Variants in NSMCE2 observed in about 807,000 individuals in gnomAD.
The protein encoded by NSMCE2 is E3 SUMO-protein ligase NSE2.
In NSMCE2, 24 loss-of-function variants were observed where a neutral mutation model predicts 23.8. The ratio of observed to expected loss-of-function variants is 1.01; its 90% CI spans 0.73 to 1.42. The LOEUF is 1.42. NSMCE2 is among the 40% of genes most tolerant of loss of function. The pLI is 0.00. For missense variants in NSMCE2, 284 were observed against 296.5 expected, an observed-to-expected ratio of 0.96 and a Z score of 0.31; for synonymous variants, 92 against 94.1, an observed-to-expected ratio of 0.98 and a Z score of 0.13.
At chr8:125,338,284 GAAA>G (rs11411074) in intron 5 of NSMCE2, among the ~76,000 whole-genome samples, 1 of 144,524 alleles carries the variant, frequency 6.9e-6, no homozygotes, top group Non-Finnish European at 1.5e-5. Flanking sequence ...ATGTTGGGTG[GAAA>G]AAAAAAAAAA....
intron 5 of NSMCE2, among the ~76,000 whole-genome samples, chr8:125,257,522 CTTTTTTTTTTTTTT>C (rs1174718163): frequency 5.9e-5 from 5 of 84,618 alleles, no homozygotes; most frequent in Admixed American, 2.9e-4. Flanking sequence ...CCAAATTTCT[CTTTTTTTTTTTTTT>C]TTTTTTTTTT....
At chr8:125,252,965 G>T (rs189642525) in intron 5 of NSMCE2, among the ~76,000 whole-genome samples, 1 of 152,300 alleles carries the variant, frequency 6.6e-6, no homozygotes, top group Non-Finnish European at 1.5e-5. Context: ...ATAGAACACA[G>T]ATTAAAAGTC....
chr8:125,317,533 C>A (rs1247745591), intron 5 of NSMCE2, among the ~76,000 whole-genome samples: 2 of 152,100 alleles, frequency 1.3e-5, no homozygotes, highest in African/African-American at 4.8e-5. Flanking sequence ...CTCCCTCCTC[C>A]ATGCTTTGAA....
intron 3 of NSMCE2, among the ~76,000 whole-genome samples, chr8:125,121,517 C>G (rs1375296658): frequency 6.6e-6 from 1 of 152,106 alleles, no homozygotes; most frequent in Non-Finnish European, 1.5e-5. Flanking sequence ...GGTATCCATG[C>G]AAAGATCAGG....
At chr8:125,146,312 G>A (rs1820672435) in intron 3 of NSMCE2, among the ~76,000 whole-genome samples, 1 of 152,196 alleles carries the variant, frequency 6.6e-6, no homozygotes, top group Non-Finnish European at 1.5e-5. Flanking sequence ...CAGAGTGGGA[G>A]GCCTGGCGCT....
intron 5 of NSMCE2, among the ~76,000 whole-genome samples, chr8:125,263,552 C>A (rs1826788233): frequency 1.3e-5 from 2 of 152,072 alleles, no homozygotes; most frequent in Non-Finnish European, 2.9e-5. Context: ...GAGTTTGAGA[C>A]CAGCGTTGCC....
intron 5 of NSMCE2, among the ~76,000 whole-genome samples, chr8:125,254,853 A>G (rs1194671219): frequency 6.6e-6 from 1 of 152,118 alleles, no homozygotes; most frequent in African/African-American, 2.4e-5. Context: ...TGAGTCCTGA[A>G]AGAGCTCATG....
At chr8:125,256,281 C>CAAA (rs113772162) in intron 5 of NSMCE2, among the ~76,000 whole-genome samples, 7 of 76,240 alleles carry the variant, frequency 9.2e-5, no homozygotes, top group Non-Finnish European at 8.6e-5. Flanking sequence ...GACTCCGTCT[C>CAAA]AAAAAAAAAA....
intron 4 of NSMCE2, among the ~76,000 whole-genome samples, chr8:125,159,452 A>C (rs182521485): frequency 6.6e-6 from 1 of 152,208 alleles, no homozygotes; most frequent in Non-Finnish European, 1.5e-5. Context: ...TATTCAGTAT[A>C]GTAACATGCT....
intron 5 of NSMCE2, among the ~76,000 whole-genome samples, chr8:125,332,375 G>A (rs1829912150): frequency 6.6e-6 from 1 of 152,174 alleles, no homozygotes; most frequent in South Asian, 2.1e-4. Context: ...TAATAGTATT[G>A]TATGGTTTAT....
intron 5 of NSMCE2, among the ~76,000 whole-genome samples, chr8:125,245,259 G>A (rs1825910869): frequency 6.6e-6 from 1 of 152,094 alleles, no homozygotes; most frequent in Non-Finnish European, 1.5e-5. Context: ...CTCCAGCCTG[G>A]GCGACAGAGT....
intron 5 of NSMCE2, among the ~76,000 whole-genome samples, chr8:125,226,074 A>G (rs926315709): frequency 6.6e-6 from 1 of 152,186 alleles, no homozygotes; most frequent in African/African-American, 2.4e-5. Flanking sequence ...GTTTGCAAAA[A>G]AGAATACATA....
chr8:125,164,245 G>T (rs1303318364), intron 4 of NSMCE2, among the ~76,000 whole-genome samples: 4 of 152,140 alleles, frequency 2.6e-5, no homozygotes, highest in Non-Finnish European at 5.9e-5. Flanking sequence ...GGCTATTGTT[G>T]ACTCTGAGCC....
intron 5 of NSMCE2, among the ~76,000 whole-genome samples, chr8:125,314,442 AC>A (rs1231725801): frequency 1.3e-5 from 2 of 151,874 alleles, no homozygotes; most frequent in Non-Finnish European, 2.9e-5. Context: ...GGCACCCACC[AC>A]CCATGCCTGG....
intron 5 of NSMCE2, among the ~76,000 whole-genome samples, chr8:125,183,634 G>GGTGTGTGTGTGTGTGTGT (rs59285361): frequency 1.0e-3 from 154 of 147,584 alleles, no homozygotes; most frequent in African/African-American, 3.6e-3. Context: ...ATTACTCAGT[G>GGTGTGTGTGTGTGTGTGT]GTGTGTGTGT....
intron 5 of NSMCE2, among the ~76,000 whole-genome samples, chr8:125,346,014 G>A (rs1325592214): frequency 6.6e-6 from 1 of 152,170 alleles, no homozygotes; most frequent in Non-Finnish European, 1.5e-5. Flanking sequence ...AAAATTAGCT[G>A]GGCGTGGTGG....
intron 5 of NSMCE2, 121 bp downstream of exon 5, chr8:125,182,377 A>C: frequency 1.2e-6 from 1 of 812,096 alleles, no homozygotes; most frequent in Admixed American, 2.5e-5. Flanking sequence ...CCTCATTCTA[A>C]GTTGCGTTTT....
At chr8:125,124,470 TTC>T (rs376240525) in intron 3 of NSMCE2, among the ~76,000 whole-genome samples, 209 of 145,440 alleles carry the variant, frequency 1.4e-3, no homozygotes, top group African/African-American at 1.5e-3. Context: ...TCCTCAGGAT[TTC>T]TCTCTCTCTC....
chr8:125,260,804 A>G (rs1826659942), intron 5 of NSMCE2, among the ~76,000 whole-genome samples: 1 of 151,412 alleles, frequency 6.6e-6, no homozygotes, highest in Admixed American at 6.6e-5. Context: ...TTGTATTTTT[A>G]GTAGAGGTGA....
Sources: gnomAD v4.1 joint callset for allele counts (sites outside exome capture counted in the v4.1 genomes callset) on GRCh38, gnomAD v4.1.1 for gene constraint, MANE v1.5 for transcripts, NCBI Gene and HGNC (gene_info 2026-07-23, HGNC 2026-07-21) for gene names.